The following GRID2 variants were observed in gnomAD, a reference collection of about 807,000 sequenced individuals.
GRID2 encodes glutamate ionotropic receptor delta type subunit 2, also known as glutamate receptor ionotropic, delta-2.
GRID2 carries 33 observed loss-of-function variants against 114.8 expected under a neutral mutation model. That is an observed-to-expected ratio of 0.29 (90% confidence interval 0.22 to 0.38). The LOEUF (loss-of-function observed/expected upper bound fraction) is 0.38, where lower values mean the gene tolerates loss of function less well. Ranked by LOEUF, GRID2 falls within the 10% of genes least tolerant of loss-of-function variation. GRID2 has a pLI of 1.00. For synonymous variants in GRID2, 505 were observed against 449.9 expected, an observed-to-expected ratio of 1.12 and a Z score of -1.55; for missense variants, 1,184 against 1,257.7, an observed-to-expected ratio of 0.94 and a Z score of 0.89.
At chr4:93,777,786 T>C (rs1204026070), downstream of GRID2, among the ~76,000 whole-genome samples, 2 of 152,306 alleles carry the variant, frequency 1.3e-5, no homozygotes, top group Middle Eastern at 3.4e-3. Context: ...AGAGAAGGGA[T>C]GACAAACATT....
chr4:93,608,343 G>C lies in GRID2; in HGVS notation c.2194-17926G>C, dbSNP rs191825531. On this transcript the variant is annotated intron_variant, in intron 13 of 15. Coordinates refer to ENST00000282020, the MANE Select transcript of GRID2 (RefSeq NM_001510.4). ...TTTTTTATTATACTTTAAGTTTTAG[G>C]GTACATGTGCACATTGTGCAGGTTA... is the stretch of plus-strand genomic sequence containing the variant. Among the ~76,000 whole-genome samples the C allele has an allele frequency of 8.6e-4, 114 of 133,072 alleles. 4 individuals are homozygous for C. The East Asian group carries it at 0.018, about 22-fold the overall frequency. 87.3% of individuals were successfully genotyped at this position (133,072 alleles called of 152,430 possible). A position where few individuals can be genotyped will look rare whatever the true frequency, so the allele number is the denominator to read the frequency against.
rs146297218 is a variant in GRID2 at position 92,840,399 on chromosome 4, T to G, written c.245-244596T>G. On this transcript the variant is annotated intron_variant, in intron 2 of 15. Coordinates refer to ENST00000282020, the MANE Select transcript of GRID2 (RefSeq NM_001510.4). Reference sequence around the variant, plus strand: ...TTCTGTTTGTCTTGTAGTCTTCTCTTCCTTCTTTCTTTTCTCCCCTTCTTC... The same window carrying G: ...TTCTGTTTGTCTTGTAGTCTTCTCTGCCTTCTTTCTTTTCTCCCCTTCTTC... Among the ~76,000 whole-genome samples the G allele has an allele frequency of 5.7e-3, 873 of 152,108 alleles. 15 individuals are homozygous for G. Among genetic ancestry groups the G allele is most frequent in the African/African-American group, 0.02 (829 of 41,546 alleles).
At chr4:93,473,811 A>C (rs1426407105) in intron 11 of GRID2, among the ~76,000 whole-genome samples, 1 of 152,126 alleles carries the variant, frequency 6.6e-6, no homozygotes, top group Non-Finnish European at 1.5e-5. Context: ...TTGAATTTTC[A>C]AATATTGTAA....
At chr4:92,875,083 C>T (rs1200692343) in intron 2 of GRID2, among the ~76,000 whole-genome samples, 1 of 146,666 alleles carries the variant, frequency 6.8e-6, no homozygotes, top group Non-Finnish European at 1.5e-5. Flanking sequence ...GGTGAAATTT[C>T]GTGTGCCAAG....
intron 2 of GRID2, among the ~76,000 whole-genome samples, chr4:92,955,774 AT>A (rs1330843121): frequency 6.6e-6 from 1 of 152,114 alleles, no homozygotes; most frequent in Non-Finnish European, 1.5e-5. Flanking sequence ...TCTTTAATCC[AT>A]TTTGAATTGA....
intron 2 of GRID2, among the ~76,000 whole-genome samples, chr4:92,963,634 G>A (rs1046307915): frequency 6.6e-5 from 10 of 151,800 alleles, no homozygotes; most frequent in African/African-American, 2.2e-4. Flanking sequence ...AACTCCTCAC[G>A]GTCATTCATG....
At chr4:93,013,958 C>G (rs1264920576) in intron 2 of GRID2, among the ~76,000 whole-genome samples, 1 of 151,714 alleles carries the variant, frequency 6.6e-6, no homozygotes, top group Non-Finnish European at 1.5e-5. Flanking sequence ...ACCTGGTTCT[C>G]CAGAAGATCA....
chr4:93,742,038 A>C (rs766051052), intron 14 of GRID2, among the ~76,000 whole-genome samples: 1 of 152,166 alleles, frequency 6.6e-6, no homozygotes, highest in Non-Finnish European at 1.5e-5. Context: ...TGGGAAATAG[A>C]GCAAGGGAAA....
chr4:92,773,619 ATAT>A (rs1738638282), intron 2 of GRID2, among the ~76,000 whole-genome samples: 1 of 152,010 alleles, frequency 6.6e-6, no homozygotes, highest in South Asian at 2.1e-4. Context: ...ATGTTATCAA[ATAT>A]TATATAAAAA....
intron 5 of GRID2, among the ~76,000 whole-genome samples, chr4:93,213,687 C>T (rs913594800): frequency 6.6e-6 from 1 of 152,102 alleles, no homozygotes; most frequent in Non-Finnish European, 1.5e-5. Flanking sequence ...TTCATTTCAA[C>T]CTAAAGCTGA....
intron 2 of GRID2, among the ~76,000 whole-genome samples, chr4:92,965,962 A>G (rs974338984): frequency 6.6e-6 from 1 of 151,876 alleles, no homozygotes; most frequent in Non-Finnish European, 1.5e-5. Context: ...TAAAGTTCAT[A>G]CCTTTTGCCA....
chr4:93,484,864 C>A (rs1726230401), intron 11 of GRID2, among the ~76,000 whole-genome samples: 2 of 151,858 alleles, frequency 1.3e-5, no homozygotes, highest in African/African-American at 4.8e-5. Flanking sequence ...TGGGCTGTTT[C>A]CAGTTTAGAC....
At chr4:93,689,360 T>A (rs1257710375) in intron 14 of GRID2, among the ~76,000 whole-genome samples, 1 of 152,078 alleles carries the variant, frequency 6.6e-6, no homozygotes, top group African/African-American at 2.4e-5. Flanking sequence ...ACTAACTCAA[T>A]ATGTTGAACT....
At chr4:93,223,477 T>C (rs1268435551) in intron 6 of GRID2, among the ~76,000 whole-genome samples, 3 of 152,186 alleles carry the variant, frequency 2.0e-5, no homozygotes, top group African/African-American at 7.2e-5. Flanking sequence ...ATTATCTCAA[T>C]AGCCAAAGCT....
intron 10 of GRID2, among the ~76,000 whole-genome samples, chr4:93,448,417 T>C (rs1722297222): frequency 1.3e-5 from 2 of 151,766 alleles, no homozygotes; most frequent in South Asian, 2.1e-4. Context: ...ACATAAAGAA[T>C]AGATTAAATA....
chr4:92,888,962 G>A (rs1424106526), intron 2 of GRID2, among the ~76,000 whole-genome samples: 1 of 151,794 alleles, frequency 6.6e-6, no homozygotes, highest in East Asian at 1.9e-4. Flanking sequence ...TTGTATTTTG[G>A]TAATTGTCTT....
chr4:92,842,821 A>G (rs895717353), intron 2 of GRID2, among the ~76,000 whole-genome samples: 1 of 152,170 alleles, frequency 6.6e-6, no homozygotes, highest in Non-Finnish European at 1.5e-5. Flanking sequence ...TCATTTAGAT[A>G]TGAGTATCTA....
At chr4:93,122,265 A>G (rs574022782) in intron 4 of GRID2, among the ~76,000 whole-genome samples, 1 of 152,304 alleles carries the variant, frequency 6.6e-6, no homozygotes, top group East Asian at 1.9e-4. Context: ...ATTGTTTTGC[A>G]TAATGTAAAG....
chr4:92,328,426 C>A (rs565618510), intron 1 of GRID2, among the ~76,000 whole-genome samples: 1 of 151,950 alleles, frequency 6.6e-6, no homozygotes, highest in African/African-American at 2.4e-5. Context: ...AACGGACTTG[C>A]GTTCATTAGG....
Sources: gnomAD v4.1 joint callset for allele counts (sites outside exome capture counted in the v4.1 genomes callset) on GRCh38, gnomAD v4.1.1 for gene constraint, MANE v1.5 for transcripts, NCBI Gene and HGNC (gene_info 2026-07-23, HGNC 2026-07-21) for gene names.